The following ADARB2 variants were observed in gnomAD, a reference collection of about 807,000 sequenced individuals.
ADARB2 encodes adenosine deaminase RNA specific B2 (inactive), also known as inactive double-stranded RNA-specific editase B2.
Under a neutral mutation model 62.2 loss-of-function variants are expected in ADARB2, and 25 were observed. The ratio of observed to expected loss-of-function variants is 0.40; its 90% confidence interval spans 0.29 to 0.56. ADARB2 has a LOEUF of 0.56. Among genes scored for constraint, ADARB2 ranks in the 20% least tolerant of loss-of-function variants. The pLI, the probability that ADARB2 is intolerant of heterozygous loss-of-function variation, is 0.43. For synonymous variants in ADARB2, 572 were observed against 500.8 expected (o/e 1.14, Z -1.90); for missense variants, 1,071 against 1,077.4 (o/e 0.99, Z 0.08).
At chr10:1,724,904 A>G (rs1835144442) in intron 1 of ADARB2, among the ~76,000 whole-genome samples, 1 of 152,242 alleles carries the variant, frequency 6.6e-6, no homozygotes, top group Non-Finnish European at 1.5e-5. Flanking sequence ...CTGTAAAATG[A>G]AGACAATAAA....
chr10:1,683,644 C>A (rs1000292331), intron 1 of ADARB2, among the ~76,000 whole-genome samples: 1 of 152,094 alleles, frequency 6.6e-6, no homozygotes, highest in African/African-American at 2.4e-5. Flanking sequence ...TAACTGTCGC[C>A]GAGTCAGAGC....
At chr10:1,236,397 CCCCT>C in intron 5 of ADARB2, among the ~76,000 whole-genome samples, 1 of 2,600 alleles carries the variant, frequency 3.8e-4, no homozygotes, top group Non-Finnish European at 5.5e-4. Context: ...GTGTTTACTC[CCCCT>C]CTGCCTCCCG....
At chr10:1,592,059 C>A (rs919278234) in intron 1 of ADARB2, among the ~76,000 whole-genome samples, 7 of 152,216 alleles carry the variant, frequency 4.6e-5, no homozygotes, top group African/African-American at 1.7e-4. Flanking sequence ...TCCCCGGATT[C>A]TCCTGTCAGG....
At chr10:1,557,280 C>T (rs1223898579) in intron 1 of ADARB2, among the ~76,000 whole-genome samples, 8 of 152,076 alleles carry the variant, frequency 5.3e-5, no homozygotes, top group Non-Finnish European at 1.0e-4. Context: ...TGGGCTCCTG[C>T]CTGTCCCTCC....
chr10:1,279,727 C>T (rs950772716), intron 3 of ADARB2, among the ~76,000 whole-genome samples: 1 of 152,196 alleles, frequency 6.6e-6, no homozygotes, highest in African/African-American at 2.4e-5. Context: ...TTGGGCCCTG[C>T]CATCCTTTCC....
intron 1 of ADARB2, among the ~76,000 whole-genome samples, chr10:1,635,325 AGTG>A (rs1833906141): frequency 6.6e-6 from 1 of 152,214 alleles, no homozygotes; most frequent in African/African-American, 2.4e-5. Flanking sequence ...CTGGGCCTGG[AGTG>A]GTGAACTCGG....
chr10:1,457,694 C>A (rs1831111824), intron 1 of ADARB2, among the ~76,000 whole-genome samples: 1 of 152,146 alleles, frequency 6.6e-6, no homozygotes. Context: ...CCCTGATGGC[C>A]TCCCTCACAA....
At chr10:1,231,037 G>A (rs1472421153) in intron 6 of ADARB2, among the ~76,000 whole-genome samples, 1 of 152,102 alleles carries the variant, frequency 6.6e-6, no homozygotes, top group Non-Finnish European at 1.5e-5. Context: ...GGCTGGAGAG[G>A]CTGCAGTTGG....
At position 1,214,726 on chromosome 10, in the gene ADARB2, T is replaced by C. The variant is rs1231835038; in HGVS notation, c.1682+2225A>G. ...TCTTAGGGCACCAAGAGAATTTCAG[T>C]TGAGGTGAAAATTACTGCTTTTTCC... is the stretch of plus-strand genomic sequence containing the variant. On this transcript the variant is annotated intron_variant, in intron 7 of 9. Coordinates refer to ENST00000381312, the MANE Select transcript of ADARB2 (RefSeq NM_018702.4). Among the ~76,000 whole-genome samples the C allele has an allele frequency of 3.3e-5, 5 of 152,234 alleles. No homozygotes were observed. In the South Asian group the frequency reaches 8.3e-4, roughly 25 times the overall value.
chr10:1,547,049 G>T (rs1479881133), intron 1 of ADARB2, among the ~76,000 whole-genome samples: 1 of 152,222 alleles, frequency 6.6e-6, no homozygotes, highest in Non-Finnish European at 1.5e-5. Context: ...TCGAGAGCGG[G>T]ACGCGGGTGG....
At chr10:1,294,441 G>C (rs1427365875) in intron 3 of ADARB2, among the ~76,000 whole-genome samples, 1 of 152,168 alleles carries the variant, frequency 6.6e-6, no homozygotes, top group Non-Finnish European at 1.5e-5. Flanking sequence ...TGCACACTCT[G>C]AGTGTGTGCT....
At chr10:1,280,504 C>T (rs1162730787) in intron 3 of ADARB2, among the ~76,000 whole-genome samples, 6 of 152,188 alleles carry the variant, frequency 3.9e-5, no homozygotes, top group Admixed American at 3.9e-4. Flanking sequence ...CTGTTGAGTG[C>T]TGGAGAAAAT....
chr10:1,374,646 C>T (rs372337460), intron 2 of ADARB2, among the ~76,000 whole-genome samples: 1 of 152,166 alleles, frequency 6.6e-6, no homozygotes, highest in Non-Finnish European at 1.5e-5. Flanking sequence ...TGCGCTTGCT[C>T]CAGAGCTCAG....
intron 1 of ADARB2, among the ~76,000 whole-genome samples, chr10:1,623,626 G>A (rs7086346): frequency 0.17 from 25,710 of 152,208 alleles, 2,256 homozygotes; most frequent in Non-Finnish European, 0.19. Flanking sequence ...TGTCTGTCCC[G>A]TTGTACCGTC....
chr10:1,469,828 G>A (rs185994021), intron 1 of ADARB2, among the ~76,000 whole-genome samples: 4 of 152,344 alleles, frequency 2.6e-5, no homozygotes, highest in Non-Finnish European at 5.9e-5. Context: ...TCCATGGCAG[G>A]TGCATTGCAC....
chr10:1,244,270 C>A (rs1000080741), intron 4 of ADARB2, among the ~76,000 whole-genome samples: 3 of 152,238 alleles, frequency 2.0e-5, no homozygotes, highest in African/African-American at 7.2e-5. Flanking sequence ...AGAAACCACC[C>A]CTCAGGTTCC....
intron 3 of ADARB2, among the ~76,000 whole-genome samples, chr10:1,306,769 A>G (rs1831633961): frequency 1.3e-5 from 2 of 149,082 alleles, no homozygotes; most frequent in South Asian, 2.3e-4. Context: ...GCCGTCAGAA[A>G]TAACGCCGCA....
At chr10:1,217,299 A>G (rs1447019413) in intron 6 of ADARB2, among the ~76,000 whole-genome samples, 180 bp from the exon 7 acceptor site, 2 of 152,176 alleles carry the variant, frequency 1.3e-5, no homozygotes, top group Non-Finnish European at 2.9e-5. Context: ...GAGCCACACC[A>G]TCCCGCCTGG....
intron 1 of ADARB2, among the ~76,000 whole-genome samples, chr10:1,710,891 A>T (rs1454779435): frequency 2.6e-5 from 4 of 152,152 alleles, no homozygotes; most frequent in Non-Finnish European, 5.9e-5. Context: ...ATACCTCCAC[A>T]GATGCTTCCC....
Sources: allele counts gnomAD v4.1 joint callset (sites outside exome capture counted in the v4.1 genomes callset), GRCh38; gene constraint gnomAD v4.1.1; transcripts MANE v1.5; gene names NCBI Gene and HGNC (gene_info 2026-07-23, HGNC 2026-07-21).